PRKCB: variants seen among roughly 807,000 people sequenced by gnomAD.
PRKCB encodes protein kinase C beta, also known as protein kinase C beta type.
PRKCB carries 13 observed loss-of-function variants against 81.5 expected under a neutral mutation model. The observed-to-expected ratio is 0.16, with a 90% CI of 0.10 to 0.25. The LOEUF is 0.25. PRKCB is among the 10% of genes least tolerant of loss of function. The probability of loss-of-function intolerance (pLI) is 1.00; values close to 1 mark genes in which losing one functional copy is unlikely to be tolerated. For missense variants in PRKCB, 509 were observed against 875.7 expected, an observed-to-expected ratio of 0.58 and a Z score of 5.29; for synonymous variants, 335 against 321.4, an observed-to-expected ratio of 1.04 and a Z score of -0.45.
chr16:24,035,825 A>G (rs1321992752), intron 5 of PRKCB, among the ~76,000 whole-genome samples: 2 of 152,126 alleles, frequency 1.3e-5, no homozygotes, highest in African/African-American at 2.4e-5. Flanking sequence ...TTGGACTTCT[A>G]ACTTCCTCAG....
chr16:23,952,927 G>A (rs749941778), intron 2 of PRKCB, among the ~76,000 whole-genome samples: 1 of 152,118 alleles, frequency 6.6e-6, no homozygotes, highest in Non-Finnish European at 1.5e-5. Flanking sequence ...AGTGAGTGCC[G>A]TGGGTTTAGA....
chr16:24,094,435 T>A, intron 7 of PRKCB, 138 bp downstream of exon 7: 4 of 1,197,538 alleles, frequency 3.3e-6, no homozygotes, highest in Non-Finnish European at 4.7e-6. Flanking sequence ...TGGATCTGCC[T>A]TGCAGATATG....
At chr16:23,914,692 G>A (rs1331217737) in intron 2 of PRKCB, among the ~76,000 whole-genome samples, 1 of 152,150 alleles carries the variant, frequency 6.6e-6, no homozygotes, top group East Asian at 1.9e-4. Context: ...TTAGAACAGG[G>A]AGCTTTCAAT....
chr16:23,905,315 G>A (rs1383350616), intron 2 of PRKCB, among the ~76,000 whole-genome samples: 1 of 152,018 alleles, frequency 6.6e-6, no homozygotes, highest in East Asian at 1.9e-4. Flanking sequence ...GCATCCTCCC[G>A]GTTATAATGG....
At chr16:24,214,343 A>G (rs1373788357) in intron 16 of PRKCB, among the ~76,000 whole-genome samples, 4 of 151,714 alleles carry the variant, frequency 2.6e-5, no homozygotes, top group Admixed American at 6.6e-5. Flanking sequence ...GGTTGGGGGG[A>G]CATGCCACAT....
At chr16:23,941,006 G>C (rs1427002003) in intron 2 of PRKCB, among the ~76,000 whole-genome samples, 2 of 152,162 alleles carry the variant, frequency 1.3e-5, no homozygotes, top group Non-Finnish European at 2.9e-5. Flanking sequence ...TTGGTATTAA[G>C]TTTGAAAGTC....
At chr16:24,196,554 C>G (rs1048722564) in intron 16 of PRKCB, among the ~76,000 whole-genome samples, 4 of 152,286 alleles carry the variant, frequency 2.6e-5, no homozygotes. Context: ...CTTGCACAGT[C>G]CAATCCAGTG....
intron 13 of PRKCB, 108 bp from the exon 14 acceptor site, chr16:24,185,003 G>A: frequency 1.1e-6 from 1 of 918,398 alleles, no homozygotes. Context: ...CTAATATAAA[G>A]AAACAGTTCA....
At chr16:23,994,778 C>T (rs995414609) in intron 3 of PRKCB, among the ~76,000 whole-genome samples, 4 of 152,218 alleles carry the variant, frequency 2.6e-5, no homozygotes, top group Non-Finnish European at 5.9e-5. Flanking sequence ...CCATCTCTGT[C>T]CATAAGACCC....
chr16:24,107,812 G>A (rs934607775), intron 7 of PRKCB, among the ~76,000 whole-genome samples: 1 of 152,220 alleles, frequency 6.6e-6, no homozygotes, highest in African/African-American at 2.4e-5. Flanking sequence ...TCATTATTGG[G>A]CTCTGTTGGG....
At chr16:23,900,868 C>T (rs1245203285) in intron 2 of PRKCB, among the ~76,000 whole-genome samples, 1 of 151,802 alleles carries the variant, frequency 6.6e-6, no homozygotes, top group Non-Finnish European at 1.5e-5. Context: ...TGTGCAAGTA[C>T]GTCTGTAATC....
intron 3 of PRKCB, among the ~76,000 whole-genome samples, chr16:24,010,870 AT>A (rs1049480359): frequency 1.2e-4 from 18 of 149,388 alleles, no homozygotes; most frequent in African/African-American, 1.5e-4. Flanking sequence ...TTGCCACTCG[AT>A]TTTTTTTTTC....
At chr16:24,000,989 GT>G (rs59302470) in intron 3 of PRKCB, among the ~76,000 whole-genome samples, 1,831 of 148,798 alleles carry the variant, frequency 0.012, 14 homozygotes, top group East Asian at 0.014. Flanking sequence ...AAATAAAGCG[GT>G]TTTTTTTTTT....
chr16:24,112,316 G>C (rs1211670115), intron 7 of PRKCB, among the ~76,000 whole-genome samples: 1 of 152,120 alleles, frequency 6.6e-6, no homozygotes, highest in Admixed American at 6.5e-5. Context: ...ATCACTTGAG[G>C]TCAGGAATTC....
intron 16 of PRKCB, among the ~76,000 whole-genome samples, chr16:24,191,955 A>G (rs772301160): frequency 3.9e-4 from 60 of 152,238 alleles, no homozygotes; most frequent in Admixed American, 1.7e-3. Context: ...TGAATTAATC[A>G]AACTGTTATT....
At chr16:24,092,504 C>G (rs895156986) in intron 5 of PRKCB, among the ~76,000 whole-genome samples, 1 of 152,184 alleles carries the variant, frequency 6.6e-6, no homozygotes, top group African/African-American at 2.4e-5. Context: ...GCCAGCCTTT[C>G]CTGTGGGCTT....
At chr16:24,134,040 C>G (rs1235305493) in intron 9 of PRKCB, among the ~76,000 whole-genome samples, 3 of 151,986 alleles carry the variant, frequency 2.0e-5, no homozygotes, top group African/African-American at 7.2e-5. Flanking sequence ...GGACTACAGG[C>G]ACATGCCACC....
At chr16:24,143,931 A>G (rs1334105473) in intron 9 of PRKCB, among the ~76,000 whole-genome samples, 1 of 152,196 alleles carries the variant, frequency 6.6e-6, no homozygotes, top group Non-Finnish European at 1.5e-5. Flanking sequence ...ATTCTGTTGC[A>G]GGGATGTTAT....
chr16:24,162,480 C>T (rs1798852357), intron 10 of PRKCB, among the ~76,000 whole-genome samples: 2 of 140,638 alleles, frequency 1.4e-5, no homozygotes, highest in Non-Finnish European at 3.1e-5. Context: ...ACAGGATCTC[C>T]CTTTGTCACC....
Sources: allele counts gnomAD v4.1 joint callset (sites outside exome capture counted in the v4.1 genomes callset), GRCh38; gene constraint gnomAD v4.1.1; transcripts MANE v1.5; gene names NCBI Gene and HGNC (gene_info 2026-07-23, HGNC 2026-07-21).